The following BCL2L1 variants were observed in gnomAD, a reference collection of about 807,000 sequenced individuals.
BCL2L1 encodes BCL2 like 1, also known as bcl-2-like protein 1.
Under a neutral mutation model 18.7 loss-of-function variants are expected in BCL2L1, and 1 was observed. The observed-to-expected ratio is 0.05, with a 90% CI of 0.02 to 0.25. The LOEUF (loss-of-function observed/expected upper bound fraction) is 0.25, where lower values mean the gene tolerates loss of function less well. BCL2L1 is among the 10% of genes least tolerant of loss of function. The pLI is 1.00. For synonymous variants in BCL2L1, 103 were observed against 122.7 expected (o/e 0.84, Z 1.06); for missense variants, 207 against 304.9 (o/e 0.68, Z 2.39).
chr20:31,688,311 G>C (rs1000496551), intron 2 of BCL2L1, among the ~76,000 whole-genome samples: 3 of 151,894 alleles, frequency 2.0e-5, no homozygotes, highest in South Asian at 4.1e-4. Flanking sequence ...CAGCAAGGTG[G>C]TGGGCACCTG....
At chr20:31,676,672 C>CTCAA (rs1243282523) in intron 2 of BCL2L1, among the ~76,000 whole-genome samples, 1 of 152,142 alleles carries the variant, frequency 6.6e-6, no homozygotes, top group African/African-American at 2.4e-5. Flanking sequence ...GCCCATCCAA[C>CTCAA]CTTCCATGTA....
intron 2 of BCL2L1, among the ~76,000 whole-genome samples, chr20:31,674,988 C>A (rs1204596511): frequency 6.6e-6 from 1 of 151,982 alleles, no homozygotes; most frequent in Non-Finnish European, 1.5e-5. Flanking sequence ...GGTAAAGTAG[C>A]CTGAGGCCAT....
At position 31,715,253 on chromosome 20, in the gene BCL2L1, C is replaced by T. The variant is rs796099972; in HGVS notation, c.564+6402G>A. The stretch of plus-strand genomic sequence containing the variant: ...TGCCACTGCACTCCAGTCTGGGAGA[C>T]AGAGAAAGACTCTGTCTCAAAAAAA... On this transcript the variant is annotated intron_variant, in intron 2 of 2. Coordinates refer to ENST00000307677, the MANE Select transcript of BCL2L1 (RefSeq NM_138578.3). Among the ~76,000 whole-genome samples, 5 of 139,664 alleles carry T rather than the reference C, an allele frequency of 3.6e-5. No individual in the cohort carries two copies. In the South Asian group the frequency reaches 1.1e-3, roughly 31 times the overall value. 91.6% of individuals were successfully genotyped at this position (139,664 alleles called of 152,430 possible).
intron 2 of BCL2L1, among the ~76,000 whole-genome samples, chr20:31,703,288 C>T (rs901478624): frequency 1.3e-5 from 2 of 152,066 alleles, no homozygotes; most frequent in Non-Finnish European, 2.9e-5. Context: ...AGGTGATCAC[C>T]CGCCTTGGTG....
intron 2 of BCL2L1, among the ~76,000 whole-genome samples, chr20:31,719,318 C>T (rs557064992): frequency 4.6e-5 from 7 of 152,222 alleles, no homozygotes; most frequent in African/African-American, 1.7e-4. Flanking sequence ...GAACATAGCC[C>T]TGAGTAGAAT....
At chr20:31,713,148 C>T (rs763998958) in intron 2 of BCL2L1, 30 of 638,670 alleles carry the variant, frequency 4.7e-5, no homozygotes, top group Non-Finnish European at 5.3e-5. Flanking sequence ...CAGGGGAAGT[C>T]CAGGACTGAA....
intron 2 of BCL2L1, among the ~76,000 whole-genome samples, chr20:31,689,285 G>GGCGAGGGGAAGAGGAGAGGAGGGGAA (rs1568869521): frequency 1.0e-5 from 1 of 97,268 alleles, no homozygotes; most frequent in Non-Finnish European, 2.1e-5. Flanking sequence ...GGGCAGGGGA[G>GGCGAGGGGAAGAGGAGAGGAGGGGAA]GGGAGGGAAG....
At chr20:31,703,444 G>A (rs2061316030) in intron 2 of BCL2L1, among the ~76,000 whole-genome samples, 1 of 151,452 alleles carries the variant, frequency 6.6e-6, no homozygotes, top group Non-Finnish European at 1.5e-5. Context: ...CTCCCAAAAT[G>A]CTGGGATTAC....
intron 2 of BCL2L1, among the ~76,000 whole-genome samples, chr20:31,716,193 C>T (rs979404105): frequency 6.6e-5 from 10 of 152,062 alleles, no homozygotes; most frequent in African/African-American, 2.4e-4. Context: ...GTTAATCTGT[C>T]TATGTCAATT....
At chr20:31,678,782 G>A (rs1007230012) in intron 2 of BCL2L1, among the ~76,000 whole-genome samples, 1 of 152,162 alleles carries the variant, frequency 6.6e-6, no homozygotes, top group Non-Finnish European at 1.5e-5. Flanking sequence ...AACTAGTCCA[G>A]ACAAGTCCCA....
At chr20:31,711,962 G>A (rs1007644750) in intron 2 of BCL2L1, among the ~76,000 whole-genome samples, 4 of 152,150 alleles carry the variant, frequency 2.6e-5, no homozygotes, top group Admixed American at 2.0e-4. Flanking sequence ...ACTTTTCTCT[G>A]AGCCTCAATT....
intron 2 of BCL2L1, among the ~76,000 whole-genome samples, chr20:31,714,843 C>T (rs907414938): frequency 6.6e-6 from 1 of 152,170 alleles, no homozygotes; most frequent in African/African-American, 2.4e-5. Context: ...CTGGACCCAT[C>T]AATATACCAT....
intron 2 of BCL2L1, among the ~76,000 whole-genome samples, chr20:31,697,892 G>GTTTTTTTTTTTTTGTTTTTTTT (rs1319361227): frequency 2.3e-5 from 3 of 129,638 alleles, no homozygotes; most frequent in African/African-American, 3.3e-5. Context: ...TGCTGTTGCT[G>GTTTTTTTTTTTTTGTTTTTTTT]TTTTTTTTTT....
upstream of BCL2L1, chr20:31,723,183 G>T: frequency 1.5e-6 from 1 of 687,266 alleles, no homozygotes; most frequent in Non-Finnish European, 1.8e-6. Context: ...CTGTGATGTT[G>T]AAGGCCGGAG....
chr20:31,702,018 A>T (rs2061285578), intron 2 of BCL2L1, among the ~76,000 whole-genome samples: 1 of 152,252 alleles, frequency 6.6e-6, no homozygotes, highest in Non-Finnish European at 1.5e-5. Flanking sequence ...TTCCAGGTAG[A>T]GGCTGTTGCT....
chr20:31,709,833 T>C (rs1399947556), intron 2 of BCL2L1, among the ~76,000 whole-genome samples: 1 of 87,864 alleles, frequency 1.1e-5, no homozygotes, highest in Non-Finnish European at 2.0e-5. Flanking sequence ...AGAGCAAGAC[T>C]CCATCTCAAA....
intron 2 of BCL2L1, among the ~76,000 whole-genome samples, chr20:31,677,160 G>A (rs146447059): frequency 6.4e-4 from 97 of 150,978 alleles, no homozygotes; most frequent in African/African-American, 2.0e-3. Flanking sequence ...TGTAAAATGC[G>A]GATTAAAAAA....
rs1436304497 is a variant in BCL2L1, at chr20:31,665,970, G to A, written c.681C>T (p.Gly227=). 6.2e-7 allele frequency: 1 copy of A among 1,613,882 alleles called. No homozygotes were observed. The highest frequency in any genetic ancestry group is 8.5e-7 in the Non-Finnish European group (1 of 1,180,022). The change falls in exon 3 of 3, where the codon GGC becomes GGT. Residue 227 remains glycine, a synonymous_variant. Coordinates refer to ENST00000307677, the MANE Select transcript of BCL2L1 (RefSeq NM_138578.3). The part of the protein sequence containing the change: ...GMTVAGVVLL[G]SLFSRK ...CTGGTCATTTCCGACTGAAGAGTGA[G>A]CCCAGCAGAACCACGCCGGCCACAG...
At position 31,702,649 on chromosome 20, in the gene BCL2L1, G is replaced by A. The variant is rs186593662; in HGVS notation, c.564+19006C>T. Among the ~76,000 whole-genome samples the A allele has an allele frequency of 2.0e-3, 305 of 151,508 alleles. 2 individuals carry two copies. Among genetic ancestry groups the A allele is most frequent in the Non-Finnish European group, 3.6e-3 (245 of 67,860 alleles). The stretch of plus-strand genomic sequence containing the variant: ...CTGCCTCAGCCTCCTGAGTAGCTGA[G>A]ATTACAGGCATGTGCCACCAAGCCT... On this transcript the variant is annotated intron_variant, in intron 2 of 2. Transcript: ENST00000307677.
Sources: allele counts gnomAD v4.1 joint callset (sites outside exome capture counted in the v4.1 genomes callset), GRCh38; gene constraint gnomAD v4.1.1; transcripts MANE v1.5; gene names NCBI Gene and HGNC (gene_info 2026-07-23, HGNC 2026-07-21).